PRMT9: variants seen among roughly 807,000 people sequenced by gnomAD.
PRMT9 encodes protein arginine methyltransferase 9.
Under a neutral mutation model 83.2 loss-of-function variants are expected in PRMT9, and 59 were observed. The ratio of observed to expected loss-of-function variants is 0.71; its 90% CI spans 0.57 to 0.88. The LOEUF is 0.88. Ranked by LOEUF, PRMT9 falls within the 40% of genes least tolerant of loss-of-function variation. The pLI, the probability that PRMT9 is intolerant of heterozygous loss-of-function variation, is 0.00. For missense variants in PRMT9, 947 were observed against 1,021.9 expected (o/e 0.93, Z 1.00); for synonymous variants, 333 against 353.2 (o/e 0.94, Z 0.64).
intron 8 of PRMT9, among the ~76,000 whole-genome samples, chr4:147,655,819 A>G (rs2718451): frequency 0.98 from 149,347 of 152,316 alleles, 73,281 homozygotes; most frequent in East Asian, 1. Context: ...ATAAGCCACT[A>G]AGCCCAGCCA....
intron 6 of PRMT9, among the ~76,000 whole-genome samples, chr4:147,662,173 A>G (rs927806736): frequency 6.6e-6 from 1 of 152,224 alleles, no homozygotes; most frequent in Non-Finnish European, 1.5e-5. Context: ...ATAGTCATAT[A>G]ATGGAGTATG....
chr4:147,657,078 A>C (rs1734558577), intron 8 of PRMT9, among the ~76,000 whole-genome samples: 1 of 151,870 alleles, frequency 6.6e-6, no homozygotes, highest in Non-Finnish European at 1.5e-5. Context: ...AAACTGAAAA[A>C]TTTTGTGCTT....
intron 2 of PRMT9, among the ~76,000 whole-genome samples, chr4:147,674,978 A>AC (rs1198227220): frequency 6.6e-6 from 1 of 151,914 alleles, no homozygotes; most frequent in Non-Finnish European, 1.5e-5. Flanking sequence ...GTTTAGAGAA[A>AC]CTTTTTTTTT....
intron 9 of PRMT9, among the ~76,000 whole-genome samples, chr4:147,645,949 C>T (rs1733702642): frequency 6.6e-6 from 1 of 152,160 alleles, no homozygotes; most frequent in Admixed American, 6.6e-5. Context: ...CATAAATTAG[C>T]CTAAAAATGG....
At chr4:147,660,424 G>A (rs1163791752) in intron 7 of PRMT9, among the ~76,000 whole-genome samples, 2 of 152,144 alleles carry the variant, frequency 1.3e-5, no homozygotes, top group Non-Finnish European at 2.9e-5. Flanking sequence ...TGAGCTCAGA[G>A]TCTGAGACCA....
intron 9 of PRMT9, among the ~76,000 whole-genome samples, chr4:147,644,425 G>C (rs1420131365): frequency 6.6e-6 from 1 of 150,438 alleles, no homozygotes; most frequent in Non-Finnish European, 1.5e-5. Flanking sequence ...AGAGAGTCAA[G>C]GGTTAACAAA....
intron 9 of PRMT9, among the ~76,000 whole-genome samples, chr4:147,644,922 A>C (rs1733637228): frequency 6.6e-6 from 1 of 152,192 alleles, no homozygotes; most frequent in African/African-American, 2.4e-5. Flanking sequence ...TCAAATGTCA[A>C]ATCTACATTT....
intron 6 of PRMT9, among the ~76,000 whole-genome samples, chr4:147,663,014 T>C (rs1483346051): frequency 6.6e-6 from 1 of 151,282 alleles, no homozygotes; most frequent in African/African-American, 2.4e-5. Flanking sequence ...TAATAATTTT[T>C]TTTTTTTTTT....
chr4:147,656,194 C>G (rs1391392412), intron 8 of PRMT9, among the ~76,000 whole-genome samples: 1 of 152,172 alleles, frequency 6.6e-6, no homozygotes, highest in Non-Finnish European at 1.5e-5. Context: ...TATACTGATT[C>G]CAGGCCTTTA....
chr4:147,662,281 G>T (rs894867465), intron 6 of PRMT9, among the ~76,000 whole-genome samples: 2 of 152,140 alleles, frequency 1.3e-5, no homozygotes, highest in African/African-American at 2.4e-5. Flanking sequence ...TTCAAAACAA[G>T]CAACACTAAT....
At chr4:147,683,736 T>A (rs1377635193) in intron 1 of PRMT9, 63 bp downstream of exon 1, 106,088 of 506,948 alleles carry the variant, frequency 0.21, 4,081 homozygotes, top group South Asian at 0.31. Flanking sequence ...TTTTTTTCTG[T>A]TTTTTTTTTT....
In PRMT9 at chr4:147,683,942, C is replaced by A. The variant is rs201765298; in HGVS notation, c.46G>T (p.Ala16Ser). The change falls in exon 1 of 12, where the codon GCT (alanine) becomes TCT (serine). Residue 16 changes from alanine (A) to serine (S), a missense_variant. Coordinates refer to ENST00000322396, the MANE Select transcript of PRMT9 (RefSeq NM_138364.4). ...PRSRRDAGGG[A>S]GAAGRDELVS... ...AGCTCGTCCCGGCCGGCTGCCCCAG[C>A]GCCACCCCCGGCGTCTCGGCGGGAC... 1.3e-5 allele frequency: 21 copies of A among 1,612,796 alleles called. No homozygotes were observed. Among genetic ancestry groups the A allele is most frequent in the African/African-American group, 9.3e-5 (7 of 74,910 alleles).
chr4:147,680,072 G>A (rs1331346031), intron 2 of PRMT9, among the ~76,000 whole-genome samples: 1 of 152,158 alleles, frequency 6.6e-6, no homozygotes, highest in Admixed American at 6.5e-5. Flanking sequence ...TCTCCAATAA[G>A]GGGTGGCACT....
intron 7 of PRMT9, 46 bp downstream of exon 7, chr4:147,660,798 CAA>C: frequency 1.7e-6 from 2 of 1,211,468 alleles, no homozygotes; most frequent in Non-Finnish European, 2.5e-6. Context: ...TTATTTTAAA[CAA>C]TGCATGAAAT....
Position 147,657,823 on chromosome 4 carries a change from T to C in PRMT9, c.1299A>G (p.Glu433=). 1.2e-6 allele frequency: 2 copies of C among 1,611,968 alleles called. No individual in the cohort carries two copies. Among genetic ancestry groups the C allele is most frequent in the Non-Finnish European group, 1.7e-6 (2 of 1,179,692 alleles). The change falls in exon 8 of 12, where the codon GAA becomes GAG. Residue 433 remains glutamate (E), a synonymous_variant. Transcript: ENST00000322396. The part of the protein sequence containing the change: ...STSPSEETCW[E]QAVYPVQDLA... ...GGTCCTGTACGGGGTAGACAGCCTG[T>C]TCCCAACATGTTTCCTCACTAGGAC...
intron 10 of PRMT9, among the ~76,000 whole-genome samples, chr4:147,640,014 T>C (rs1214977943): frequency 6.8e-6 from 1 of 147,674 alleles, no homozygotes; most frequent in African/African-American, 2.5e-5. Flanking sequence ...CCATACCTCA[T>C]AGTCGGCCCC....
intron 9 of PRMT9, among the ~76,000 whole-genome samples, chr4:147,652,412 G>A (rs1361432618): frequency 6.6e-6 from 1 of 151,364 alleles, no homozygotes; most frequent in South Asian, 2.1e-4. Flanking sequence ...AGATCACGCC[G>A]CTGCACTCCA....
intron 6 of PRMT9, among the ~76,000 whole-genome samples, chr4:147,667,709 C>A (rs554406034): frequency 1.3e-5 from 2 of 151,366 alleles, no homozygotes; most frequent in East Asian, 4.0e-4. Context: ...GCTACATTTA[C>A]GATTAAGTTA....
At chr4:147,644,871 A>G (rs1181262645) in intron 9 of PRMT9, among the ~76,000 whole-genome samples, 2 of 152,212 alleles carry the variant, frequency 1.3e-5, no homozygotes, top group African/African-American at 4.8e-5. Context: ...GGTGGAGGAT[A>G]CTTTAAACCA....
Sources: allele counts gnomAD v4.1 joint callset (sites outside exome capture counted in the v4.1 genomes callset), GRCh38; gene constraint gnomAD v4.1.1; transcripts MANE v1.5; gene names NCBI Gene and HGNC (gene_info 2026-07-23, HGNC 2026-07-21).